Variants in GRK3 observed in about 807,000 individuals in gnomAD.
The protein encoded by GRK3 is adrenergic, beta, receptor kinase 2.
GRK3 carries 54 observed loss-of-function variants against 95.7 expected under a neutral mutation model. The observed-to-expected ratio is 0.56, with a 90% confidence interval of 0.45 to 0.71. GRK3 has a LOEUF of 0.71. Ranked by LOEUF, GRK3 falls within the 30% of genes least tolerant of loss-of-function variation. GRK3 has a pLI of 0.00. For synonymous variants in GRK3, 281 were observed against 290.8 expected (o/e 0.97, Z 0.34); for missense variants, 649 against 851.2 (o/e 0.76, Z 2.96).
intron 12 of GRK3, among the ~76,000 whole-genome samples, chr22:25,693,111 G>GCA (rs2085178219): frequency 1.3e-5 from 2 of 152,226 alleles, no homozygotes; most frequent in South Asian, 4.1e-4. Context: ...TTGGAGCTGA[G>GCA]CAGATTGTCA....
intron 4 of GRK3, 91 bp downstream of exon 4, chr22:25,661,768 G>A: frequency 1.2e-6 from 1 of 808,514 alleles, no homozygotes; most frequent in East Asian, 2.7e-5. Context: ...CAGTAGAAAG[G>A]TGTTTAAAAT....
At chr22:25,640,829 A>G (rs1320041205) in intron 2 of GRK3, among the ~76,000 whole-genome samples, 2 of 152,240 alleles carry the variant, frequency 1.3e-5, no homozygotes, top group Non-Finnish European at 2.9e-5. Context: ...ATAGCAACAA[A>G]GTAAACACAT....
chr22:25,573,728 G>A (rs574467119), intron 1 of GRK3, among the ~76,000 whole-genome samples: 9 of 152,090 alleles, frequency 5.9e-5, no homozygotes, highest in East Asian at 1.9e-4. Flanking sequence ...GTGAAACCCC[G>A]TCTCTACTAA....
chr22:25,668,220 G>A (rs1306321335), intron 6 of GRK3, among the ~76,000 whole-genome samples: 2 of 152,220 alleles, frequency 1.3e-5, no homozygotes, highest in East Asian at 3.8e-4. Flanking sequence ...ATAGGTCAAT[G>A]TCTGTTTATG....
intron 2 of GRK3, among the ~76,000 whole-genome samples, chr22:25,617,314 T>A (rs1471098443): frequency 6.6e-6 from 1 of 152,228 alleles, no homozygotes; most frequent in Admixed American, 6.5e-5. Context: ...GCAGTTGAGT[T>A]CCGAATTGGT....
At chr22:25,602,494 G>A (rs1036700901) in intron 1 of GRK3, among the ~76,000 whole-genome samples, 4 of 152,066 alleles carry the variant, frequency 2.6e-5, no homozygotes, top group Admixed American at 6.5e-5. Context: ...AAATGAAAAC[G>A]CATGCCCATA....
chr22:25,704,098 CT>C lies in GRK3; in HGVS notation c.1228-7del. On this transcript the variant is annotated splice_polypyrimidine_tract_variant and intron_variant, in intron 14 of 20. Coordinates refer to ENST00000324198, the MANE Select transcript of GRK3 (RefSeq NM_005160.4). ...AACGGATTTTTGAAATCTTACTCGT[CT>C]TTTCCCCAGAATGTGGAACTTCCAG... 1 of 1,605,378 alleles carries C rather than the reference CT, an allele frequency of 6.2e-7. No homozygotes were observed. Among genetic ancestry groups the C allele is most frequent in the South Asian group, 1.1e-5 (1 of 90,348 alleles).
intron 1 of GRK3, among the ~76,000 whole-genome samples, chr22:25,571,009 T>C (rs1931681588): frequency 6.6e-6 from 1 of 152,230 alleles, no homozygotes; most frequent in African/African-American, 2.4e-5. Flanking sequence ...CGACATATTT[T>C]GTAAAATATT....
At chr22:25,721,601 A>G (rs1327383280) in intron 20 of GRK3, among the ~76,000 whole-genome samples, 1 of 152,224 alleles carries the variant, frequency 6.6e-6, no homozygotes, top group Admixed American at 6.5e-5. Context: ...GATGCAGGTG[A>G]AATAATGTCA....
intron 2 of GRK3, among the ~76,000 whole-genome samples, chr22:25,618,998 G>A (rs1467009893): frequency 6.6e-6 from 1 of 152,198 alleles, no homozygotes; most frequent in African/African-American, 2.4e-5. Flanking sequence ...TGGTCATGGT[G>A]AGAGATTAAG....
At chr22:25,715,495 C>T (rs745437552) in intron 18 of GRK3, among the ~76,000 whole-genome samples, 86 of 150,950 alleles carry the variant, frequency 5.7e-4, no homozygotes, top group Non-Finnish European at 1.1e-3. Flanking sequence ...GGTGACACAG[C>T]GAGAAGCTGT....
chr22:25,687,550 C>T lies in GRK3; in HGVS notation c.840C>T (p.His280=), dbSNP rs1244776158. ...ATCTGATTCCAGGGGGCGATTTGCA[C>T]TACCACCTTTCACAACACGGTGTGT... ...ILDLMNGGDL[H]YHLSQHGVFS... is the part of the protein sequence containing the mutation. Residue 280 remains histidine (H), a synonymous_variant, in exon 11 of 21, where the codon CAC becomes CAT. Coordinates refer to ENST00000324198, the MANE Select transcript of GRK3 (RefSeq NM_005160.4). 2.5e-6 allele frequency: 4 copies of T among 1,613,920 alleles called. No homozygotes were observed. Among genetic ancestry groups the T allele is most frequent in the Middle Eastern group, 1.7e-4 (1 of 6,060 alleles).
chr22:25,577,273 A>G (rs947565365), intron 1 of GRK3, among the ~76,000 whole-genome samples: 1 of 151,968 alleles, frequency 6.6e-6, no homozygotes, highest in African/African-American at 2.4e-5. Context: ...CCCAGGTTCA[A>G]CTGATTCTCC....
intron 13 of GRK3, among the ~76,000 whole-genome samples, chr22:25,698,026 C>A (rs1601534422): frequency 6.7e-6 from 1 of 149,540 alleles, no homozygotes; most frequent in South Asian, 2.1e-4. Context: ...GTACAAGAGA[C>A]TGCTTGATGC....
intron 8 of GRK3, among the ~76,000 whole-genome samples, chr22:25,676,973 CTT>C (rs755343989): frequency 6.6e-6 from 1 of 152,164 alleles, no homozygotes; most frequent in Non-Finnish European, 1.5e-5. Flanking sequence ...TTAGGTAGCT[CTT>C]TGATACCTTC....
chr22:25,721,552 TGATTTTTTAA>T (rs1568943317), intron 20 of GRK3, among the ~76,000 whole-genome samples, 155 bp downstream of exon 20: 4 of 152,220 alleles, frequency 2.6e-5, no homozygotes, highest in Non-Finnish European at 5.9e-5. Context: ...AAATTCATCG[TGATTTTTTAA>T]AAAGGCAAAT....
intron 15 of GRK3, 104 bp downstream of exon 15, chr22:25,704,313 T>C: frequency 2.6e-6 from 2 of 784,226 alleles, no homozygotes; most frequent in Non-Finnish European, 4.0e-6. Context: ...AATCTTCCAT[T>C]TTGACTTGAA....
chr22:25,575,109 A>C (rs1424886154), intron 1 of GRK3, among the ~76,000 whole-genome samples: 1 of 152,168 alleles, frequency 6.6e-6, no homozygotes. Context: ...CATTTAGTTG[A>C]CTGGCTTATT....
At chr22:25,565,417 G>C (rs1931434048) in intron 1 of GRK3, among the ~76,000 whole-genome samples, 2 of 152,362 alleles carry the variant, frequency 1.3e-5, no homozygotes, top group South Asian at 4.1e-4. Context: ...GCCAGGGTCT[G>C]GTTATGACTT....
Sources: gnomAD v4.1 joint callset for allele counts (sites outside exome capture counted in the v4.1 genomes callset) on GRCh38, gnomAD v4.1.1 for gene constraint, MANE v1.5 for transcripts, NCBI Gene and HGNC (gene_info 2026-07-23, HGNC 2026-07-21) for gene names.